Variants in ZC3H7A observed in about 807,000 individuals in gnomAD.
ZC3H7A encodes zinc finger CCCH-type containing 7A.
Under a neutral mutation model 125.5 loss-of-function variants are expected in ZC3H7A, and 44 were observed. That is an observed-to-expected ratio of 0.35 (90% CI 0.28 to 0.45). ZC3H7A has a LOEUF of 0.45. Among genes scored for constraint, ZC3H7A ranks in the 20% least tolerant of loss-of-function variants. ZC3H7A has a pLI of 1.00. For missense variants in ZC3H7A, 977 were observed against 1,170.7 expected, an observed-to-expected ratio of 0.83 and a Z score of 2.41; for synonymous variants, 399 against 391.2, an observed-to-expected ratio of 1.02 and a Z score of -0.23.
chr16:11,762,765 C>T lies in ZC3H7A; in HGVS notation c.2003-18G>A. 3 of 1,612,300 alleles carry T rather than the reference C, an allele frequency of 1.9e-6. No homozygotes were observed. The highest frequency in any genetic ancestry group is 2.5e-6 in the Non-Finnish European group (3 of 1,179,474). ...TGAGATACCTGGGGAATGTACAAGCCTTCCTTTAAATTATATCTATAAGAA... is the reference window on the plus strand; with the variant it reads ...TGAGATACCTGGGGAATGTACAAGCTTTCCTTTAAATTATATCTATAAGAA... On this transcript the variant is annotated intron_variant, in intron 16 of 22. Transcript: ENST00000355758.
intron 1 of ZC3H7A, among the ~76,000 whole-genome samples, chr16:11,795,246 G>A (rs2053418185): frequency 6.6e-6 from 1 of 152,188 alleles, no homozygotes; most frequent in Admixed American, 6.5e-5. Flanking sequence ...GAAGGAAGAG[G>A]CAGTGGATTC....
At chr16:11,772,162 A>G (rs190408287) in intron 9 of ZC3H7A, among the ~76,000 whole-genome samples, 1 of 150,012 alleles carries the variant, frequency 6.7e-6, no homozygotes, top group Non-Finnish European at 1.5e-5. Context: ...ACCACTGCAC[A>G]CCAGCCTGGG....
chr16:11,773,461 A>G (rs2053022008), intron 9 of ZC3H7A, among the ~76,000 whole-genome samples: 1 of 151,964 alleles, frequency 6.6e-6, no homozygotes, highest in African/African-American at 2.4e-5. Context: ...CCATTTAAGA[A>G]TTGTAAAAAA....
chr16:11,764,242 G>A (rs778758405), intron 15 of ZC3H7A, among the ~76,000 whole-genome samples: 1 of 152,056 alleles, frequency 6.6e-6, no homozygotes, highest in Non-Finnish European at 1.5e-5. Context: ...TTGAAACCCT[G>A]TTGCTACTAA....
intron 3 of ZC3H7A, among the ~76,000 whole-genome samples, chr16:11,781,156 A>AC (rs1327600312): frequency 1.3e-5 from 2 of 152,180 alleles, no homozygotes; most frequent in Non-Finnish European, 2.9e-5. Context: ...AAATGCCCAG[A>AC]CAGTACATGT....
intron 9 of ZC3H7A, among the ~76,000 whole-genome samples, chr16:11,771,799 C>T (rs1423532750): frequency 6.6e-6 from 1 of 152,154 alleles, no homozygotes; most frequent in Admixed American, 6.5e-5. Flanking sequence ...CTGCACCCAG[C>T]TAGATGTCTA....
In ZC3H7A at chr16:11,779,378, G is replaced by C; in HGVS notation, c.109-15C>G. The C allele has an allele frequency of 1.2e-6, 2 of 1,602,586 alleles. No homozygotes were observed. Among genetic ancestry groups the C allele is most frequent in the Non-Finnish European group, 1.7e-6 (2 of 1,176,468 alleles). ...CGCAAATATACCTAAAAAAAAGAAA[G>C]TTACCACTTGAAGCCTTTTATCAAA... On this transcript the variant is annotated splice_polypyrimidine_tract_variant and intron_variant, in intron 3 of 22. Coordinates refer to ENST00000355758, the MANE Select transcript of ZC3H7A (RefSeq NM_014153.4).
Position 11,765,981 on chromosome 16 carries a change from A to C in ZC3H7A, c.1523-296T>G, listed in dbSNP as rs1295074905. ...TGGACAGCCTCAAACAATGATATGC[A>C]TATTATCTGGGGATGGATCGTATCA... On this transcript the variant is annotated intron_variant, in intron 13 of 22. Transcript: ENST00000355758. The surrounding 1 kb of genome is among the most constrained non-coding windows in gnomAD (Gnocchi z 4.8). 1.3e-5 allele frequency among the ~76,000 whole-genome samples: 2 copies of C among 152,208 alleles called. No individual in the cohort carries two copies. The highest frequency in any genetic ancestry group is 2.4e-5 in the African/African-American group (1 of 41,456).
intron 1 of ZC3H7A, among the ~76,000 whole-genome samples, chr16:11,793,803 A>T (rs1477322765): frequency 1.3e-5 from 2 of 152,234 alleles, no homozygotes; most frequent in Non-Finnish European, 2.9e-5. Context: ...TGGATACTTT[A>T]TGAAACAGTT....
At chr16:11,778,274 C>G (rs558856739) in intron 4 of ZC3H7A, among the ~76,000 whole-genome samples, 11 of 151,734 alleles carry the variant, frequency 7.2e-5, no homozygotes, top group Admixed American at 3.3e-4. Flanking sequence ...CCATCTCTAA[C>G]AAAATACAAA....
chr16:11,769,062 G>A lies in ZC3H7A; in HGVS notation c.1142C>T (p.Pro381Leu). ...LSTSTSREGT[P>L]LNNSNSSLLL... is the part of the protein sequence containing the mutation. ...AAGGGAAGAATTACTGTTGTTAAGCGGTGTTCCCTCTCTAGAAGTTGAGGT... is the reference window on the plus strand; with the variant it reads ...AAGGGAAGAATTACTGTTGTTAAGCAGTGTTCCCTCTCTAGAAGTTGAGGT... Residue 381 changes from proline (P) to leucine (L), a missense_variant, in exon 11 of 23, where the codon CCG becomes CTG. Pro to Leu is a moderately conservative substitution (Grantham distance 98). Transcript: ENST00000355758. The A allele has an allele frequency of 1.2e-6, 2 of 1,609,912 alleles. No homozygotes were observed. Among genetic ancestry groups the A allele is most frequent in the East Asian group, 2.2e-5 (1 of 44,602 alleles).
rs1200946954 is a variant in ZC3H7A at position 11,779,338 on chromosome 16, T to C, written c.134A>G (p.Asn45Ser). The C allele has an allele frequency of 1.2e-6, 2 of 1,613,812 alleles. No homozygotes were observed. The highest frequency in any genetic ancestry group is 1.7e-6 in the Non-Finnish European group (2 of 1,179,942). Residue 45 changes from asparagine to serine, a missense_variant, in exon 4 of 23, where the codon AAT becomes AGT. This residue lies in a region of ZC3H7A where 199 missense variants were observed against 256.1 expected (regional missense o/e 0.78). Transcript: ENST00000355758. ...YAVYLRALVR[N>S]LFNEGNDVYR... The stretch of plus-strand genomic sequence containing the variant: ...AACGTCATTTCCTTCATTAAAAAGA[T>C]TTCTCACGAGAGCACGCAAATATAC...
chr16:11,778,459 AC>A (rs1349064732), intron 4 of ZC3H7A, among the ~76,000 whole-genome samples: 118 of 136,362 alleles, frequency 8.7e-4, no homozygotes, highest in African/African-American at 3.1e-3. Flanking sequence ...AAAAAAAAAA[AC>A]ACTCGTAAGA....
At chr16:11,759,950 T>TA (rs1407311409) in intron 19 of ZC3H7A, 92 of 148,434 alleles carry the variant, frequency 6.2e-4, no homozygotes, top group Non-Finnish European at 1.0e-3. Context: ...TCGTCTCTAC[T>TA]AAAAAAAAAA....
At position 11,768,381 on chromosome 16, in the gene ZC3H7A, G is replaced by C. The variant is rs147099217; in HGVS notation, c.1294C>G (p.Pro432Ala). The C allele has an allele frequency of 1.9e-6, 3 of 1,598,042 alleles. No individual in the cohort carries two copies. The highest frequency in any genetic ancestry group is 4.5e-5 in the East Asian group (2 of 44,692). Residue 432 changes from proline (P) to alanine (A), a missense_variant, in exon 12 of 23, where the codon CCA becomes GCA. Coordinates refer to ENST00000355758, the MANE Select transcript of ZC3H7A (RefSeq NM_014153.4). ...AVTKPSSSVT[P>A]RHPLEGTHEL... ...TGGGTTCCTTCGAGGGGATGTCTTGGAGTCACTGATGAAGATGGTTTGGTA... is the reference window on the plus strand; with the variant it reads ...TGGGTTCCTTCGAGGGGATGTCTTGCAGTCACTGATGAAGATGGTTTGGTA...
chr16:11,751,903 CTT>C (rs34041916), intron 22 of ZC3H7A, among the ~76,000 whole-genome samples: 21 of 128,896 alleles, frequency 1.6e-4, no homozygotes, highest in Admixed American at 1.7e-4. Flanking sequence ...ACTGAAAAAC[CTT>C]TTTTTTTTTT....
intron 1 of ZC3H7A, among the ~76,000 whole-genome samples, chr16:11,791,821 C>T (rs1567397707): frequency 1.3e-5 from 2 of 152,188 alleles, no homozygotes; most frequent in Admixed American, 1.3e-4. Context: ...AACCTGAAAC[C>T]ATAAGGGATT....
intron 21 of ZC3H7A, among the ~76,000 whole-genome samples, chr16:11,755,082 G>A (rs553261088): frequency 6.7e-5 from 10 of 149,524 alleles, no homozygotes; most frequent in Admixed American, 1.3e-4. Context: ...GGTGGCAGGC[G>A]CCTATAATCC....
At chr16:11,758,394 A>G in intron 20 of ZC3H7A, 37 bp downstream of exon 20, 1 of 1,487,866 alleles carries the variant, frequency 6.7e-7, no homozygotes, top group East Asian at 2.3e-5. Context: ...ACTTTCAGGC[A>G]AGCTAGCTCA....
Sources: allele counts gnomAD v4.1 joint callset (sites outside exome capture counted in the v4.1 genomes callset), GRCh38; gene constraint gnomAD v4.1.1; regional missense constraint gnomAD v4.1.1; non-coding constraint Gnocchi (gnomAD v3.1); transcripts MANE v1.5; gene names NCBI Gene and HGNC (gene_info 2026-07-23, HGNC 2026-07-21).